The following LRP2 variants were observed in gnomAD, a reference collection of about 807,000 sequenced individuals.
The protein encoded by LRP2 is LDL receptor related protein 2, also known as low-density lipoprotein receptor-related protein 2.
Under a neutral mutation model 531.0 loss-of-function variants are expected in LRP2, and 172 were observed. The observed-to-expected ratio is 0.32, with a 90% CI of 0.29 to 0.37. The LOEUF (loss-of-function observed/expected upper bound fraction) is 0.37, where lower values mean the gene tolerates loss of function less well. LRP2 is among the 10% of genes least tolerant of loss of function. The pLI is 1.00. For synonymous variants in LRP2, 1,992 were observed against 2,027.6 expected, an observed-to-expected ratio of 0.98 and a Z score of 0.47; for missense variants, 5,167 against 5,868.3, an observed-to-expected ratio of 0.88 and a Z score of 3.90.
At chr2:169,321,681 T>G (rs1473925750) in intron 1 of LRP2, among the ~76,000 whole-genome samples, 1 of 152,200 alleles carries the variant, frequency 6.6e-6, no homozygotes, top group Non-Finnish European at 1.5e-5. Flanking sequence ...AATTAAATTA[T>G]AACTTGCCAG....
intron 16 of LRP2, among the ~76,000 whole-genome samples, chr2:169,268,588 T>C (rs1040789202): frequency 6.6e-6 from 1 of 152,190 alleles, no homozygotes; most frequent in African/African-American, 2.4e-5. Context: ...AACTAGGTAT[T>C]GATGGGATGT....
At chr2:169,181,751 C>A in intron 51 of LRP2, 133 bp from the exon 52 acceptor site, 1 of 602,390 alleles carries the variant, frequency 1.7e-6, no homozygotes, top group Non-Finnish European at 2.7e-6. Context: ...TTCTTTTCTG[C>A]ATTCAGAAAA....
At chr2:169,139,708 A>G in intron 72 of LRP2, 98 bp from the exon 73 acceptor site, 1 of 1,000,920 alleles carries the variant, frequency 1.0e-6, no homozygotes, top group Non-Finnish European at 1.6e-6. Context: ...CTTTGACTGC[A>G]TAAATTACAT....
chr2:169,316,770 AG>A (rs1684774916), intron 3 of LRP2, among the ~76,000 whole-genome samples: 1 of 152,192 alleles, frequency 6.6e-6, no homozygotes, highest in African/African-American at 2.4e-5. Context: ...GAGAGTGTCC[AG>A]AATGAGAAAA....
chr2:169,286,146 T>C (rs1207075170), intron 9 of LRP2, among the ~76,000 whole-genome samples: 1 of 152,174 alleles, frequency 6.6e-6, no homozygotes, highest in African/African-American at 2.4e-5. Context: ...GAAACAAATG[T>C]GAAATAAATG....
At chr2:169,345,878 C>A (rs985107482) in intron 1 of LRP2, among the ~76,000 whole-genome samples, 1 of 151,616 alleles carries the variant, frequency 6.6e-6, no homozygotes, top group Non-Finnish European at 1.5e-5. Context: ...CAAAACAAAA[C>A]AAAACAAAAG....
chr2:169,305,231 G>A (rs921674731), intron 4 of LRP2, among the ~76,000 whole-genome samples: 5 of 152,210 alleles, frequency 3.3e-5, no homozygotes, highest in South Asian at 4.2e-4. Context: ...GAGAAGGGTC[G>A]TTTTTAAAAA....
intron 67 of LRP2, among the ~76,000 whole-genome samples, chr2:169,152,440 A>G (rs1364717054): frequency 2.0e-5 from 3 of 152,188 alleles, no homozygotes; most frequent in Non-Finnish European, 2.9e-5. Context: ...GTGCTGCCAT[A>G]CTGAAAGTTA....
intron 44 of LRP2, among the ~76,000 whole-genome samples, chr2:169,201,405 G>T (rs1168757130): frequency 6.6e-6 from 1 of 152,194 alleles, no homozygotes; most frequent in Non-Finnish European, 1.5e-5. Flanking sequence ...TCAGTGAAGT[G>T]CATGACTAGG....
chr2:169,195,001 G>A (rs1013643780), intron 46 of LRP2, among the ~76,000 whole-genome samples: 11 of 152,268 alleles, frequency 7.2e-5, no homozygotes, highest in East Asian at 1.9e-4. Context: ...GAGCCACCGC[G>A]CCTGGCCTGA....
At chr2:169,132,447 A>T in intron 77 of LRP2, 127 bp downstream of exon 77, 1 of 678,824 alleles carries the variant, frequency 1.5e-6, no homozygotes, top group Non-Finnish European at 2.7e-6. Context: ...ATATTTATTA[A>T]CTGTCAACAC....
At chr2:169,137,012 G>C (rs1309722706) in intron 76 of LRP2, among the ~76,000 whole-genome samples, 3 of 152,220 alleles carry the variant, frequency 2.0e-5, no homozygotes, top group Non-Finnish European at 4.4e-5. Flanking sequence ...CCTGTATAGT[G>C]ACCTGACAAT....
chr2:169,182,079 C>T (rs1687459951), intron 51 of LRP2, 88 bp downstream of exon 51: 1 of 1,553,384 alleles, frequency 6.4e-7, no homozygotes, highest in East Asian at 2.2e-5. Flanking sequence ...AGACATTGGC[C>T]TTGAGATAGT....
In LRP2 at chr2:169,176,433, A is replaced by C; in HGVS notation, c.10549T>G (p.Phe3517Val). ...YCMPMCSSTQ[F>V]LCANNEKCIP... ...TACTTTTCATTGTTAGCGCACAGGA[A>C]CTGGGTGCTGGAGCACATGGGCATG... Residue 3517 changes from phenylalanine to valine, a missense_variant, in exon 54 of 79, where the codon TTC (phenylalanine) becomes GTC (valine). By Grantham distance (50) the Phe-to-Val change is conservative. Transcript: ENST00000649046. 1.2e-6 allele frequency: 2 copies of C among 1,614,170 alleles called. No individual in the cohort carries two copies. Among genetic ancestry groups the C allele is most frequent in the Middle Eastern group, 1.6e-4 (1 of 6,062 alleles).
At chr2:169,244,327 A>G (rs567867388) in intron 22 of LRP2, among the ~76,000 whole-genome samples, 37 of 152,356 alleles carry the variant, frequency 2.4e-4, no homozygotes, top group African/African-American at 8.9e-4. Flanking sequence ...AATGAAAAAG[A>G]AACATCAATA....
At position 169,272,938 on chromosome 2, in the gene LRP2, C is replaced by T. The variant is rs538946388; in HGVS notation, c.2105G>A (p.Arg702His). ...AACAGACTTCTTACCAATGCAGTGG[C>T]GCTCATCTGTATCCAGTTGGAAGCC... ...TFGFQLDTDE[R>H]HCIAVQNFLI... The change falls in exon 15 of 79, where the codon CGC becomes CAC. Residue 702 changes from arginine to histidine, a missense_variant. Around this residue, in one of 6 missense-constraint regions of LRP2, gnomAD observed 2,811 missense variants for 3,058.0 expected, o/e 0.92. Transcript: ENST00000649046. 5.9e-5 allele frequency: 95 copies of T among 1,613,642 alleles called. 1 individual carries two copies. The highest frequency in any genetic ancestry group is 2.5e-4 in the Admixed American group (15 of 59,982).
At chr2:169,357,452 C>A (rs1164614686) in intron 1 of LRP2, among the ~76,000 whole-genome samples, 2 of 152,020 alleles carry the variant, frequency 1.3e-5, no homozygotes, top group African/African-American at 4.8e-5. Flanking sequence ...CTGCCTCAGC[C>A]TCCCGAGTAG....
intron 16 of LRP2, among the ~76,000 whole-genome samples, chr2:169,264,924 A>G (rs1206522101): frequency 6.6e-6 from 1 of 152,008 alleles, no homozygotes; most frequent in African/African-American, 2.4e-5. Context: ...AGTCCTCAAC[A>G]CAGAACTGAG....
At chr2:169,129,960 A>T (rs1685224798) in intron 77 of LRP2, among the ~76,000 whole-genome samples, 1 of 152,216 alleles carries the variant, frequency 6.6e-6, no homozygotes, top group Non-Finnish European at 1.5e-5. Flanking sequence ...CTGTGACAGC[A>T]GGGGACCAGC....
Sources: allele counts gnomAD v4.1 joint callset (sites outside exome capture counted in the v4.1 genomes callset), GRCh38; gene constraint gnomAD v4.1.1; regional missense constraint gnomAD v4.1.1; transcripts MANE v1.5; gene names NCBI Gene and HGNC (gene_info 2026-07-23, HGNC 2026-07-21).